BRWD3: variants seen among roughly 807,000 people sequenced by gnomAD.
BRWD3 encodes the protein bromodomain and WD repeat-containing protein 3.
BRWD3 carries 10 observed loss-of-function variants against 149.7 expected under a neutral mutation model. That is an observed-to-expected ratio of 0.07 (90% CI 0.04 to 0.11). The LOEUF (loss-of-function observed/expected upper bound fraction) is 0.11, where lower values mean the gene tolerates loss of function less well. Ranked by LOEUF, BRWD3 falls within the 10% of genes least tolerant of loss-of-function variation. BRWD3 has a pLI of 1.00. For synonymous variants in BRWD3, 504 were observed against 456.7 expected, an observed-to-expected ratio of 1.10 and a Z score of -1.32; for missense variants, 940 against 1,373.2, an observed-to-expected ratio of 0.68 and a Z score of 4.99.
rs1054045378 is a variant in BRWD3 at position 80,670,573 on chromosome X, C to A, written c.*6036G>T. 5.5e-5 allele frequency among the ~76,000 whole-genome samples: 6 copies of A among 108,986 alleles called. No individual in the cohort carries two copies. The Admixed American group carries it at 5.9e-4, about 11-fold the overall frequency. 94.6% of individuals were successfully genotyped at this position (108,986 alleles called of 115,157 possible). Reference sequence around the variant, plus strand: ...GGACTTACAGGCACACACAACCATGCCCAGCTAATTAAAAAAAAAATTGTT... The same window carrying A: ...GGACTTACAGGCACACACAACCATGACCAGCTAATTAAAAAAAAAATTGTT... On this transcript the variant is annotated 3_prime_UTR_variant, in exon 41 of 41. Transcript: ENST00000373275.
intron 18 of BRWD3, among the ~76,000 whole-genome samples, chrX:80,718,202 T>C (rs2147746370): frequency 8.9e-6 from 1 of 111,795 alleles, no homozygotes; most frequent in African/African-American, 3.2e-5. Context: ...TAAATAAATA[T>C]TTTTTTAAAT....
At chrX:80,713,039 G>T (rs1442583854) in intron 20 of BRWD3, among the ~76,000 whole-genome samples, 1 of 108,894 alleles carries the variant, frequency 9.2e-6, no homozygotes, top group Admixed American at 9.5e-5. Flanking sequence ...CCCCCCGCCC[G>T]GCCAGCTGCC....
At chrX:80,726,112 T>A (rs2073234132) in intron 14 of BRWD3, among the ~76,000 whole-genome samples, 1 of 110,230 alleles carries the variant, frequency 9.1e-6, no homozygotes, top group Non-Finnish European at 1.9e-5. Context: ...GTTATGTGTC[T>A]GTATAACATA....
At chrX:80,710,334 TG>T in intron 20 of BRWD3, 1 of 336,660 alleles carries the variant, frequency 3.0e-6, no homozygotes. Flanking sequence ...TATAATGATA[TG>T]GGCCTCACAT....
At chrX:80,733,094 C>T (rs757155643) in intron 12 of BRWD3, 1 of 118,116 alleles carries the variant, frequency 8.5e-6, no homozygotes, top group Non-Finnish European at 1.6e-5. Context: ...CGCACCACCG[C>T]ACTCCAGCCT....
Position 80,670,623 on chromosome X carries a change from C to G in BRWD3, c.*5986G>C, listed in dbSNP as rs2072315917. Among the ~76,000 whole-genome samples, 1 of 110,404 alleles carries G rather than the reference C, an allele frequency of 9.1e-6. No individual in the cohort carries two copies. Among genetic ancestry groups the G allele is most frequent in the Admixed American group, 9.7e-5 (1 of 10,306 alleles). ...TTTGTAGATACGGTGTCTCACTATG[C>G]TGCCCAGGCTGGTCTTGAACTCCTG... On this transcript the variant is annotated 3_prime_UTR_variant, in exon 41 of 41. Coordinates refer to ENST00000373275, the MANE Select transcript of BRWD3 (RefSeq NM_153252.5).
At chrX:80,736,185 T>C in intron 8 of BRWD3, 97 bp from the exon 9 acceptor site, 1 of 554,916 alleles carries the variant, frequency 1.8e-6, no homozygotes, top group Non-Finnish European at 2.8e-6. Flanking sequence ...TTAACAAATA[T>C]AATTTCAATA....
Position 80,809,736 on chromosome X carries a change from AAGAGAGAG to A in BRWD3, c.-273_-266del, listed in dbSNP as rs199953219. On this transcript the variant is annotated 5_prime_UTR_variant, in exon 1 of 41. Transcript: ENST00000373275. ...GTGAGTGAGTGAGAGAGAGAGAGAG[AAGAGAGAG>A]AGAGAGAGAGGAAAAAGAGAGAGAG... The A allele has an allele frequency of 3.2e-5, 5 of 154,996 alleles. No individual in the cohort carries two copies. The highest frequency in any genetic ancestry group is 5.5e-5 in the Non-Finnish European group (5 of 90,783). 12.8% of individuals were successfully genotyped at this position (154,996 alleles called of 1,213,427 possible).
Position 80,684,108 on chromosome X carries a change from A to G in BRWD3, c.4135T>C (p.Leu1379=). 1 of 1,206,978 alleles carries G rather than the reference A, an allele frequency of 8.3e-7. No individual in the cohort carries two copies. Residue 1379 remains leucine (L), a synonymous_variant, in exon 37 of 41, where the codon TTG becomes CTG. Transcript: ENST00000373275. ...PVDFSTVKET[L]EAGNYGSPLE... is the part of the protein sequence containing the mutation. ...GGACTACCATAGTTTCCTGCTTCCAAAGTTTCTTTCACAGTGCTGAAGTCC... is the reference window on the plus strand; with the variant it reads ...GGACTACCATAGTTTCCTGCTTCCAGAGTTTCTTTCACAGTGCTGAAGTCC...
Position 80,712,962 on chromosome X carries a change from C to T in BRWD3, c.2325+3195G>A, listed in dbSNP as rs1375229882. ...GAGCTCCTCCGCCCGGCACCCACCCCGTCTGGGAAGTGAGGAGCGTCTCCG... is the reference window on the plus strand; with the variant it reads ...GAGCTCCTCCGCCCGGCACCCACCCTGTCTGGGAAGTGAGGAGCGTCTCCG... On this transcript the variant is annotated intron_variant, in intron 20 of 40. Coordinates refer to ENST00000373275, the MANE Select transcript of BRWD3 (RefSeq NM_153252.5). Among the ~76,000 whole-genome samples the T allele has an allele frequency of 8.2e-5, 9 of 109,911 alleles. 1 individual carries two copies. Among genetic ancestry groups the T allele is most frequent in the Admixed American group, 7.6e-4 (8 of 10,564 alleles).
At chrX:80,758,931 C>A (rs1340086461) in intron 6 of BRWD3, among the ~76,000 whole-genome samples, 1 of 111,972 alleles carries the variant, frequency 8.9e-6, no homozygotes, top group Admixed American at 9.5e-5. Flanking sequence ...ATAGATACTT[C>A]TCTTTCCTAA....
chrX:80,732,084 G>T (rs911334164), intron 12 of BRWD3, among the ~76,000 whole-genome samples: 1 of 110,388 alleles, frequency 9.1e-6, no homozygotes. Flanking sequence ...TTAAAATATT[G>T]TATAAAATTA....
intron 8 of BRWD3, among the ~76,000 whole-genome samples, chrX:80,742,878 A>G (rs2073536001): frequency 9.0e-6 from 1 of 111,116 alleles, no homozygotes; most frequent in African/African-American, 3.3e-5. Flanking sequence ...CTAATTGAAT[A>G]CCCTTTATTT....
intron 20 of BRWD3, among the ~76,000 whole-genome samples, chrX:80,715,785 C>G (rs1039267000): frequency 1.8e-5 from 2 of 112,056 alleles, no homozygotes; most frequent in African/African-American, 6.5e-5. Context: ...GGTAGCAGAA[C>G]TGATTTGGCC....
intron 4 of BRWD3, among the ~76,000 whole-genome samples, chrX:80,794,726 C>T (rs1443560849): frequency 9.1e-6 from 1 of 110,121 alleles, no homozygotes; most frequent in African/African-American, 3.3e-5. Flanking sequence ...ATTTAAATGT[C>T]TTAATCAAGT....
chrX:80,745,789 G>A (rs756775207), intron 6 of BRWD3, 60 bp from the exon 7 acceptor site: 4 of 1,036,836 alleles, frequency 3.9e-6, no homozygotes, highest in South Asian at 2.0e-5. Context: ...ATGAAATTAA[G>A]TCATAAATAT....
intron 6 of BRWD3, among the ~76,000 whole-genome samples, chrX:80,770,309 TTTA>T (rs2073924485): frequency 1.8e-5 from 2 of 111,382 alleles, no homozygotes; most frequent in African/African-American, 6.5e-5. Context: ...AAAAGAGAAT[TTTA>T]GACCAATATC....
intron 6 of BRWD3, among the ~76,000 whole-genome samples, chrX:80,774,237 C>T (rs970825433): frequency 9.0e-6 from 1 of 110,511 alleles, no homozygotes; most frequent in Non-Finnish European, 1.9e-5. Context: ...GCTGATGGTT[C>T]CTTCAGATTT....
rs1043728939 is a variant in BRWD3, at chrX:80,675,078, G to C, written c.*1531C>G. 1 of 111,744 alleles carries C rather than the reference G, an allele frequency of 8.9e-6. No homozygotes were observed. Among genetic ancestry groups the C allele is most frequent in the African/African-American group, 3.2e-5 (1 of 30,818 alleles). The allele number at this position is 111,744 out of a possible 1,213,427, so 9.2% of individuals were successfully genotyped here. A position where few individuals can be genotyped will look rare whatever the true frequency, so the allele number is the denominator to read the frequency against. ...TATCCCTCTTACCTCAGAAATGTAAGTATCTAACAAATGAACAAATCTGTA... is the reference window on the plus strand; with the variant it reads ...TATCCCTCTTACCTCAGAAATGTAACTATCTAACAAATGAACAAATCTGTA... On this transcript the variant is annotated 3_prime_UTR_variant, in exon 41 of 41. Coordinates refer to ENST00000373275, the MANE Select transcript of BRWD3 (RefSeq NM_153252.5).
Sources: allele counts gnomAD v4.1 joint callset (sites outside exome capture counted in the v4.1 genomes callset), GRCh38; gene constraint gnomAD v4.1.1; transcripts MANE v1.5; gene names NCBI Gene and HGNC (gene_info 2026-07-23, HGNC 2026-07-21).